ZAP70: variants seen among roughly 807,000 people sequenced by gnomAD.
ZAP70 encodes the protein tyrosine-protein kinase ZAP-70.
Under a neutral mutation model 65.8 loss-of-function variants are expected in ZAP70, and 27 were observed. The ratio of observed to expected loss-of-function variants is 0.41; its 90% CI spans 0.30 to 0.57. The LOEUF (loss-of-function observed/expected upper bound fraction) is 0.57. Among genes scored for constraint, ZAP70 ranks in the 20% least tolerant of loss-of-function variants. The pLI, the probability that ZAP70 is intolerant of heterozygous loss-of-function variation, is 0.28. For synonymous variants in ZAP70, 363 were observed against 360.8 expected (o/e 1.01, Z -0.07); for missense variants, 696 against 870.5 (o/e 0.80, Z 2.52).
chr2:97,738,221 C>A, intron 13 of ZAP70, 114 bp downstream of exon 13: 1 of 1,100,342 alleles, frequency 9.1e-7, no homozygotes, highest in East Asian at 2.6e-5. Context: ...AAGCCCTTCA[C>A]CCAGTTCATA....
chr2:97,747,827 T>TG, the ZAP70 span, among the ~76,000 whole-genome samples: 1 of 129,268 alleles, frequency 7.7e-6, no homozygotes, highest in Non-Finnish European at 1.6e-5. Flanking sequence ...TTTTTTTTTT[T>TG]TTTTTTTTTT....
At chr2:97,748,722 C>T in the ZAP70 span, among the ~76,000 whole-genome samples, 1 of 152,248 alleles carries the variant, frequency 6.6e-6, no homozygotes, top group Non-Finnish European at 1.5e-5. Context: ...GGGGCACCTA[C>T]CCAGCATGCA....
intron 9 of ZAP70, 180 bp downstream of exon 9, chr2:97,734,892 G>T: frequency 3.4e-6 from 3 of 871,640 alleles, no homozygotes; most frequent in Non-Finnish European, 5.3e-6. Flanking sequence ...CACCTGACGG[G>T]GGTGGGATGG....
intron 13 of ZAP70, chr2:97,738,473 C>A: frequency 2.9e-6 from 1 of 344,328 alleles, no homozygotes; most frequent in Non-Finnish European, 5.6e-6. Flanking sequence ...CACTCCAGTC[C>A]CCACCAGCCA....
rs568170958 is a variant in ZAP70, at chr2:97,736,882, G to A, written c.1290-591G>A. Among the ~76,000 whole-genome samples, 48 of 152,114 alleles carry A rather than the reference G, an allele frequency of 3.2e-4. No homozygotes were observed. Among genetic ancestry groups the A allele is most frequent in the Non-Finnish European group, 5.7e-4 (39 of 68,022 alleles). ...GCTAGGGGGTGCTGTGAGCAGAGGA[G>A]GGGGAGGACCTGACTCAGGGGCAGA... On this transcript the variant is annotated intron_variant, in intron 10 of 13. Transcript: ENST00000264972. This position sits in a 1 kb window ranked among gnomAD's most constrained non-coding sequence, Gnocchi z 4.0.
At chr2:97,724,946 C>A in intron 3 of ZAP70, 146 bp from the exon 4 acceptor site, 2 of 1,534,318 alleles carry the variant, frequency 1.3e-6, no homozygotes, top group Non-Finnish European at 1.7e-6. Context: ...GGAGATGGCG[C>A]GGAGGTAGTC....
At chr2:97,724,966 C>T (rs1210731910) in intron 3 of ZAP70, 126 bp from the exon 4 acceptor site, 3 of 1,540,516 alleles carry the variant, frequency 1.9e-6, no homozygotes, top group Admixed American at 3.9e-5. Flanking sequence ...CCTCGAAAAC[C>T]TGCCTAACAC....
chr2:97,737,677 C>A lies in ZAP70; in HGVS notation c.1482+12C>A. The A allele has an allele frequency of 6.2e-7, 1 of 1,614,004 alleles. No homozygotes were observed. The highest frequency in any genetic ancestry group is 8.5e-7 in the Non-Finnish European group (1 of 1,179,948). On this transcript the variant is annotated intron_variant, in intron 11 of 13. Transcript: ENST00000264972. The surrounding 1 kb of genome is among the most constrained non-coding windows in gnomAD (Gnocchi z 5.0). ...ACAGCTACTACACTGTAAGCCTCTGCCCCTGTGATGCCCGACTGGATGGGC... is the reference window on the plus strand; with the variant it reads ...ACAGCTACTACACTGTAAGCCTCTGACCCTGTGATGCCCGACTGGATGGGC...
chr2:97,748,853 CTGAAAG>C, the ZAP70 span, among the ~76,000 whole-genome samples: 1,594 of 152,274 alleles, frequency 0.01, 25 homozygotes, highest in African/African-American at 0.036. Flanking sequence ...AACATTGCTC[CTGAAAG>C]CGGAGCCACA....
chr2:97,732,678 T>C, intron 4 of ZAP70: 2 of 683,218 alleles, frequency 2.9e-6, no homozygotes, highest in South Asian at 1.9e-5. Flanking sequence ...AACACAGCCA[T>C]GGCCCCTCCA....
rs1268142108 is a variant in ZAP70 at position 97,715,463 on chromosome 2, G to A, written c.-22+1469G>A. Reference sequence around the variant, plus strand: ...TCACAGAGCCTGAGGCCCAGAGAGGGACCGCTGCTTGCTGAGGTCACACAG... The same window carrying A: ...TCACAGAGCCTGAGGCCCAGAGAGGAACCGCTGCTTGCTGAGGTCACACAG... On this transcript the variant is annotated intron_variant, in intron 2 of 13. Coordinates refer to ENST00000264972, the MANE Select transcript of ZAP70 (RefSeq NM_001079.4). This position sits in a 1 kb window ranked among gnomAD's most constrained non-coding sequence, Gnocchi z 4.1. 1.3e-5 allele frequency among the ~76,000 whole-genome samples: 2 copies of A among 152,190 alleles called. No individual in the cohort carries two copies. The highest frequency in any genetic ancestry group is 2.4e-5 in the African/African-American group (1 of 41,436).
chr2:97,742,271 T>A (rs1281965853), downstream of ZAP70, among the ~76,000 whole-genome samples: 2 of 152,280 alleles, frequency 1.3e-5, no homozygotes, highest in Admixed American at 6.5e-5. Flanking sequence ...TTTACCATTT[T>A]AAAAACATTT....
Position 97,737,479 on chromosome 2 carries a change from G to T in ZAP70, c.1296G>T (p.Glu432Asp), listed in dbSNP as rs1214000974. Residue 432 changes from glutamate to aspartate, a missense_variant, in exon 11 of 14, where the codon GAG becomes GAT. Coordinates refer to ENST00000264972, the MANE Select transcript of ZAP70 (RefSeq NM_001079.4). The surrounding 1 kb of genome is among the most constrained non-coding windows in gnomAD (Gnocchi z 5.0). ...GCCTTCCCCGCCACCCCAGGGAGGA[G>T]ATCCCTGTGAGCAATGTGGCCGAGC... ...LHKFLVGKRE[E>D]IPVSNVAELL... 6.2e-7 allele frequency: 1 copy of T among 1,614,060 alleles called. No individual in the cohort carries two copies. Among genetic ancestry groups the T allele is most frequent in the Non-Finnish European group, 8.5e-7 (1 of 1,179,930 alleles).
intron 2 of ZAP70, among the ~76,000 whole-genome samples, chr2:97,720,477 G>T (rs1017546254): frequency 6.6e-6 from 1 of 151,920 alleles, no homozygotes; most frequent in Non-Finnish European, 1.5e-5. Flanking sequence ...TGATCCGCCT[G>T]CCTCGGCCTC....
Position 97,724,222 on chromosome 2 carries a change from G to A in ZAP70, c.186G>A (p.Glu62=). The A allele has an allele frequency of 1.9e-6, 3 of 1,601,746 alleles. No homozygotes were observed. The highest frequency in any genetic ancestry group is 2.6e-6 in the Non-Finnish European group (3 of 1,175,696). ...HDVRFHHFPI[E]RQLNGTYAIA... ...TGCGCTTCCACCACTTTCCCATCGA[G>A]CGCCAGCTCAACGGCACCTACGCCA... The change falls in exon 3 of 14, where the codon GAG becomes GAA. Residue 62 remains glutamate, a synonymous_variant. Transcript: ENST00000264972.
chr2:97,732,764 C>T, intron 4 of ZAP70, 119 bp from the exon 5 acceptor site: 1 of 1,456,010 alleles, frequency 6.9e-7, no homozygotes, highest in African/African-American at 1.4e-5. Context: ...CCAGTCCCTG[C>T]AGCTTCTCTG....
rs367624923 is a variant in ZAP70, at chr2:97,737,611, G to A, written c.1428G>A (p.Lys476=). Residue 476 remains lysine, a synonymous_variant, in exon 11 of 14, where the codon AAG becomes AAA. Coordinates refer to ENST00000264972, the MANE Select transcript of ZAP70 (RefSeq NM_001079.4). This position sits in a 1 kb window ranked among gnomAD's most constrained non-coding sequence, Gnocchi z 5.0. Reference sequence around the variant, plus strand: ...TGCTGGTTAACCGGCACTACGCCAAGATCAGCGACTTTGGCCTCTCCAAAG... The same window carrying A: ...TGCTGGTTAACCGGCACTACGCCAAAATCAGCGACTTTGGCCTCTCCAAAG... The part of the protein sequence containing the change: ...NVLLVNRHYA[K]ISDFGLSKAL... 4 of 1,614,020 alleles carry A rather than the reference G, an allele frequency of 2.5e-6. No homozygotes were observed. Among genetic ancestry groups the A allele is most frequent in the Non-Finnish European group, 3.4e-6 (4 of 1,180,000 alleles).
the ZAP70 span, among the ~76,000 whole-genome samples, chr2:97,747,653 G>C: frequency 9.9e-5 from 15 of 152,056 alleles, no homozygotes; most frequent in Non-Finnish European, 2.1e-4. Context: ...TGGAATGAGA[G>C]AGTGGTGATG....
At chr2:97,735,509 G>T in intron 10 of ZAP70, 53 bp downstream of exon 10, 1 of 1,575,072 alleles carries the variant, frequency 6.3e-7, no homozygotes, top group Non-Finnish European at 8.6e-7. Flanking sequence ...GGCCCATCCT[G>T]GGCATGGTGG....
Sources: allele counts gnomAD v4.1 joint callset (sites outside exome capture counted in the v4.1 genomes callset), GRCh38; gene constraint gnomAD v4.1.1; non-coding constraint Gnocchi (gnomAD v3.1); transcripts MANE v1.5; gene names NCBI Gene and HGNC (gene_info 2026-07-23, HGNC 2026-07-21).